RIMS2: variants seen among roughly 807,000 people sequenced by gnomAD.
RIMS2 encodes regulating synaptic membrane exocytosis protein 2.
A neutral mutation model predicts 174.4 loss-of-function variants in RIMS2; 59 were observed. That is an observed-to-expected ratio of 0.34 (90% confidence interval 0.27 to 0.42). The LOEUF (loss-of-function observed/expected upper bound fraction) is 0.42, where lower values mean the gene tolerates loss of function less well. Among genes scored for constraint, RIMS2 ranks in the 10% least tolerant of loss-of-function variants. RIMS2 has a pLI of 1.00. For missense variants in RIMS2, 1,620 were observed against 1,666.3 expected (o/e 0.97, Z 0.48); for synonymous variants, 606 against 572.5 (o/e 1.06, Z -0.84).
intron 3 of RIMS2, among the ~76,000 whole-genome samples, chr8:103,802,237 C>T (rs1165916729): frequency 3.9e-5 from 6 of 152,118 alleles, no homozygotes; most frequent in Non-Finnish European, 5.9e-5. Flanking sequence ...GCATTAACAA[C>T]ATAAAATTTA....
intron 19 of RIMS2, among the ~76,000 whole-genome samples, chr8:104,054,974 A>G (rs1281604882): frequency 2.6e-5 from 4 of 152,132 alleles, no homozygotes; most frequent in Admixed American, 6.5e-5. Flanking sequence ...CTCTCTCTGT[A>G]TAGGAATCCA....
At chr8:103,797,788 T>C (rs2098560470) in intron 3 of RIMS2, among the ~76,000 whole-genome samples, 1 of 152,220 alleles carries the variant, frequency 6.6e-6, no homozygotes. Flanking sequence ...AATAATTTGC[T>C]TGAATGTCTT....
intron 3 of RIMS2, among the ~76,000 whole-genome samples, chr8:103,810,295 G>C (rs1036161208): frequency 6.6e-6 from 1 of 152,150 alleles, no homozygotes. Context: ...TGACAAGGAA[G>C]GTGGGCAGGG....
In RIMS2 at chr8:104,226,919, C is replaced by T. The variant is rs555029034; in HGVS notation, c.3335-17997C>T. 3.9e-5 allele frequency among the ~76,000 whole-genome samples: 6 copies of T among 152,232 alleles called. No homozygotes were observed. In the South Asian group the frequency reaches 1.2e-3, roughly 32 times the overall value. On this transcript the variant is annotated intron_variant, in intron 19 of 23. Coordinates refer to ENST00000504942, the Ensembl canonical transcript of RIMS2. ...CTTCTTCATTATTATATGACATTTC[C>T]TTTTAATATGCTATGGTCTTGAAAA...
intron 19 of RIMS2, among the ~76,000 whole-genome samples, chr8:104,113,368 T>C (rs568882682): frequency 2.0e-5 from 3 of 152,154 alleles, no homozygotes; most frequent in Admixed American, 6.5e-5. Context: ...TATGAGGCAG[T>C]TCATATTCTT....
chr8:104,249,584 G>A (rs771465644), exon 22 of RIMS2: 5 of 1,565,876 alleles, frequency 3.2e-6, no homozygotes, highest in Middle Eastern at 1.7e-4. Context: ...CCAAGACACT[G>A]CCAGGTAAAA....
At chr8:103,724,535 T>C (rs1184722724) in intron 2 of RIMS2, among the ~76,000 whole-genome samples, 3 of 152,306 alleles carry the variant, frequency 2.0e-5, no homozygotes, top group African/African-American at 7.2e-5. Context: ...TTGTTACATA[T>C]AGTAAAAGTT....
chr8:104,091,334 C>A (rs1409238263), intron 19 of RIMS2, among the ~76,000 whole-genome samples: 5 of 151,670 alleles, frequency 3.3e-5, no homozygotes, highest in African/African-American at 1.2e-4. Flanking sequence ...AAACTGCCTT[C>A]ATATTCAATA....
chr8:103,585,827 A>G (rs953743417), intron 1 of RIMS2, among the ~76,000 whole-genome samples: 5 of 151,972 alleles, frequency 3.3e-5, no homozygotes, highest in Non-Finnish European at 5.9e-5. Flanking sequence ...GCATACCACC[A>G]TGACACATGT....
intron 3 of RIMS2, among the ~76,000 whole-genome samples, chr8:103,772,614 G>A (rs1014080645): frequency 4.6e-5 from 7 of 152,056 alleles, no homozygotes; most frequent in Non-Finnish European, 8.8e-5. Flanking sequence ...TATACAGATA[G>A]ATTCTAAAAT....
At chr8:103,907,285 T>A (rs1266028575) in intron 4 of RIMS2, among the ~76,000 whole-genome samples, 1 of 152,238 alleles carries the variant, frequency 6.6e-6, no homozygotes, top group Non-Finnish European at 1.5e-5. Context: ...CACAACTTTT[T>A]CTACTTTTTT....
chr8:103,946,061 G>A (rs1286571653), intron 14 of RIMS2, among the ~76,000 whole-genome samples: 1 of 152,170 alleles, frequency 6.6e-6, no homozygotes, highest in Admixed American at 6.5e-5. Context: ...ATTCACAGAT[G>A]ACGTGATTCT....
chr8:103,802,531 C>T (rs2098618837), intron 3 of RIMS2, among the ~76,000 whole-genome samples: 1 of 152,094 alleles, frequency 6.6e-6, no homozygotes, highest in Non-Finnish European at 1.5e-5. Flanking sequence ...AATTTGGCAG[C>T]CATACTAAGG....
intron 19 of RIMS2, among the ~76,000 whole-genome samples, chr8:104,038,827 T>C (rs77068659): frequency 0.011 from 1,691 of 151,948 alleles, 40 homozygotes; most frequent in African/African-American, 0.035. Flanking sequence ...ATATATCTGA[T>C]ACAACTATAG....
chr8:103,777,414 G>C (rs1190269321), intron 3 of RIMS2, among the ~76,000 whole-genome samples: 2 of 151,554 alleles, frequency 1.3e-5, no homozygotes, highest in African/African-American at 4.8e-5. Context: ...TGTTCTACAT[G>C]GAATGAAAAA....
intron 19 of RIMS2, among the ~76,000 whole-genome samples, chr8:104,025,343 G>A (rs754042575): frequency 6.6e-6 from 1 of 151,920 alleles, no homozygotes; most frequent in African/African-American, 2.4e-5. Flanking sequence ...TAAAAATTAC[G>A]CAGGCATAGT....
intron 19 of RIMS2, among the ~76,000 whole-genome samples, chr8:104,034,411 T>C (rs533222481): frequency 6.6e-6 from 1 of 151,808 alleles, no homozygotes; most frequent in East Asian, 1.9e-4. Flanking sequence ...ATTTCTGAAC[T>C]GGGATGTCTT....
Position 103,998,243 on chromosome 8 carries a change from G to A in RIMS2, c.3044+8822G>A, listed in dbSNP as rs182266368. ...TCAGACCATTGACCATCATCACAGG[G>A]ATGGCAGGTATATTTTTCTTACAAT... is the stretch of plus-strand genomic sequence containing the variant. On this transcript the variant is annotated intron_variant, in intron 17 of 23. Transcript: ENST00000504942. The A allele has an allele frequency of 4.0e-3, 6,384 of 1,606,770 alleles. 35 individuals are homozygous for A. In the Middle Eastern group the frequency reaches 0.04, roughly 10 times the overall value.
intron 1 of RIMS2, among the ~76,000 whole-genome samples, chr8:103,538,836 C>T (rs1391057100): frequency 2.0e-5 from 3 of 152,164 alleles, no homozygotes; most frequent in Admixed American, 6.5e-5. Context: ...TATGGCTTTG[C>T]GTCCTCATAG....
Sources: gnomAD v4.1 joint callset for allele counts (sites outside exome capture counted in the v4.1 genomes callset) on GRCh38, gnomAD v4.1.1 for gene constraint, MANE v1.5 for transcripts, NCBI Gene and HGNC (gene_info 2026-07-23, HGNC 2026-07-21) for gene names.